Variants in ZNF559 observed in about 807,000 individuals in gnomAD.
The protein encoded by ZNF559 is zinc finger protein 559.
In ZNF559, 17 loss-of-function variants were observed where a neutral mutation model predicts 14.2. That is an observed-to-expected ratio of 1.20 (90% confidence interval 0.82 to 1.80). The LOEUF (loss-of-function observed/expected upper bound fraction) is 1.80, where lower values mean the gene tolerates loss of function less well. ZNF559 is among the 40% of genes most tolerant of loss of function. The pLI is 0.00. For synonymous variants in ZNF559, 244 were observed against 212.4 expected (o/e 1.15, Z -1.29); for missense variants, 740 against 629.7 (o/e 1.18, Z -1.88).
chr19:9,341,429 ATAAT>A lies in ZNF559; in HGVS notation c.243+247_243+250del, dbSNP rs910138229. ...TATGTATCTCAGATGTTTTTGATAA[ATAAT>A]TCACTCTTGGGCCGTTATCAGCTAA... On this transcript the variant is annotated intron_variant, in intron 6 of 6. Coordinates refer to ENST00000603380, the MANE Select transcript of ZNF559 (RefSeq NM_032497.3). 1.3e-5 allele frequency: 10 copies of A among 769,536 alleles called. No homozygotes were observed. In the African/African-American group the frequency reaches 1.5e-4, roughly 12 times the overall value. 47.7% of individuals were successfully genotyped at this position (769,536 alleles called of 1,614,324 possible).
chr19:9,339,934 A>ATTTTTTTTTTTTTTT (rs545536064), intron 5 of ZNF559, among the ~76,000 whole-genome samples: 1 of 86,420 alleles, frequency 1.2e-5, no homozygotes, highest in Non-Finnish European at 2.1e-5. Flanking sequence ...ACGCCTGGCT[A>ATTTTTTTTTTTTTTT]TTTTTTTTTT....
At chr19:9,324,447 C>A (rs1025255247) in intron 1 of ZNF559, 13 of 1,435,368 alleles carry the variant, frequency 9.1e-6, no homozygotes, top group African/African-American at 4.3e-5. Context: ...GGGCCTCGGC[C>A]CGGGAGGAGG....
chr19:9,341,556 C>G, intron 6 of ZNF559, 139 bp from the exon 7 acceptor site: 2 of 1,450,174 alleles, frequency 1.4e-6, no homozygotes, highest in East Asian at 2.4e-5. Context: ...CCATGCCTTG[C>G]AATGAAAATG....
intron 6 of ZNF559, 167 bp from the exon 7 acceptor site, chr19:9,341,528 A>G: frequency 7.9e-7 from 1 of 1,271,326 alleles, no homozygotes; most frequent in Non-Finnish European, 1.1e-6. Context: ...GTTCCACTTG[A>G]AAACACTCAG....
rs971335334 is a variant in ZNF559 at position 9,343,045 on chromosome 19, T to A, written c.1594T>A (p.Ser532Thr). ...KECGQTFSNS[S>T]CLTECV ...ATGTGGGCAAACCTTTAGTAATTCCTCATGCCTTACTGAATGTGTGTGAAT... is the reference window on the plus strand; with the variant it reads ...ATGTGGGCAAACCTTTAGTAATTCCACATGCCTTACTGAATGTGTGTGAAT... Residue 532 changes from serine (S) to threonine (T), a missense_variant, in exon 7 of 7, where the codon TCA becomes ACA. Coordinates refer to ENST00000603380, the MANE Select transcript of ZNF559 (RefSeq NM_032497.3). 6.2e-7 allele frequency: 1 copy of A among 1,612,334 alleles called. No individual in the cohort carries two copies. The highest frequency in any genetic ancestry group is 8.5e-7 in the Non-Finnish European group (1 of 1,179,174).
chr19:9,339,608 G>T (rs2067431230), intron 5 of ZNF559, among the ~76,000 whole-genome samples: 1 of 152,142 alleles, frequency 6.6e-6, no homozygotes, highest in Non-Finnish European at 1.5e-5. Context: ...GGTGAACAGT[G>T]AATGAGAAAA....
intron 2 of ZNF559, among the ~76,000 whole-genome samples, chr19:9,334,189 A>G (rs1455191940): frequency 6.6e-6 from 1 of 152,252 alleles, no homozygotes; most frequent in Non-Finnish European, 1.5e-5. Context: ...GAATACATGA[A>G]TAAACCATGC....
chr19:9,340,866 C>T (rs1416828560), intron 5 of ZNF559, among the ~76,000 whole-genome samples: 1 of 151,876 alleles, frequency 6.6e-6, no homozygotes, highest in Non-Finnish European at 1.5e-5. Context: ...CCACCACACC[C>T]AGCCTAGAGA....
At chr19:9,337,533 G>A (rs2067307051) in intron 2 of ZNF559, among the ~76,000 whole-genome samples, 1 of 152,164 alleles carries the variant, frequency 6.6e-6, no homozygotes, top group Admixed American at 6.5e-5. Flanking sequence ...AAGAACCTCA[G>A]GAGTTTAGGT....
In ZNF559 at chr19:9,343,548, C is replaced by G; in HGVS notation, c.*480C>G. On this transcript the variant is annotated 3_prime_UTR_variant, in exon 7 of 7. Coordinates refer to ENST00000603380, the MANE Select transcript of ZNF559 (RefSeq NM_032497.3). The stretch of plus-strand genomic sequence containing the variant: ...CTGTGATCTCACAAGTGTGAAAAAT[C>G]TTATGAATGTAAAATGTGTGGAGAT... 2.0e-6 allele frequency: 2 copies of G among 992,248 alleles called. No individual in the cohort carries two copies. Among genetic ancestry groups the G allele is most frequent in the South Asian group, 4.5e-5 (1 of 22,256 alleles). 61.5% of individuals were successfully genotyped at this position (992,248 alleles called of 1,614,324 possible). A position where few individuals can be genotyped will look rare whatever the true frequency, so the allele number is the denominator to read the frequency against.
chr19:9,328,010 A>G (rs372156117), intron 2 of ZNF559, among the ~76,000 whole-genome samples: 23 of 152,330 alleles, frequency 1.5e-4, no homozygotes, highest in Middle Eastern at 3.4e-3. Context: ...GTGGACATCT[A>G]TGGCCTTACA....
chr19:9,331,650 G>T (rs527568318), intron 2 of ZNF559, among the ~76,000 whole-genome samples: 1 of 152,266 alleles, frequency 6.6e-6, no homozygotes, highest in African/African-American at 2.4e-5. Context: ...ATGAGGGTAA[G>T]TTGAAAATTG....
intron 2 of ZNF559, among the ~76,000 whole-genome samples, chr19:9,331,865 A>G (rs2145115899): frequency 6.6e-6 from 1 of 152,342 alleles, no homozygotes; most frequent in Non-Finnish European, 1.5e-5. Flanking sequence ...TGAATCTTAA[A>G]ATACAAATAA....
intron 2 of ZNF559, among the ~76,000 whole-genome samples, chr19:9,328,370 T>C (rs997101315): frequency 8.1e-5 from 12 of 148,776 alleles, no homozygotes; most frequent in Non-Finnish European, 1.8e-4. Context: ...TTTTTTTTTT[T>C]TTGAGACGGA....
At chr19:9,335,891 A>G (rs1429112292) in intron 2 of ZNF559, among the ~76,000 whole-genome samples, 1 of 152,230 alleles carries the variant, frequency 6.6e-6, no homozygotes, top group Admixed American at 6.5e-5. Context: ...GATAAACGTA[A>G]TAGTTAAGCA....
chr19:9,324,844 G>A, intron 2 of ZNF559, 64 bp downstream of exon 2: 1 of 1,409,450 alleles, frequency 7.1e-7, no homozygotes, highest in Admixed American at 2.0e-5. Context: ...GTTGTGTCGA[G>A]GTGGAAAGAA....
intron 2 of ZNF559, among the ~76,000 whole-genome samples, chr19:9,328,163 A>G (rs2066731189): frequency 6.6e-6 from 1 of 152,018 alleles, no homozygotes; most frequent in African/African-American, 2.4e-5. Context: ...TGACACTGAT[A>G]TATTATTTGT....
Position 9,338,574 on chromosome 19 carries a change from T to C in ZNF559, c.25T>C (p.Tyr9His). The C allele has an allele frequency of 1.9e-6, 3 of 1,613,278 alleles. No homozygotes were observed. Among genetic ancestry groups the C allele is most frequent in the Non-Finnish European group, 2.5e-6 (3 of 1,179,240 alleles). ...GATGGTGGCTGGGTGGTTGACAAAT[T>C]ACTCTCAGGTAAGTAGGAAATTGCT... MVAGWLTNYSQDSVTFEDV... is the reference protein window; with the variant it reads MVAGWLTNHSQDSVTFEDV... The change falls in exon 4 of 7, where the codon TAC becomes CAC. Residue 9 changes from tyrosine (Y) to histidine (H), a missense_variant. Physicochemically the swap from Tyr to His is moderately conservative, Grantham distance 83 (BLOSUM62 2). Transcript: ENST00000603380.
rs904074002 is a variant in ZNF559 at position 9,328,348 on chromosome 19, C to CTTTTTT, written c.-120+3587_-120+3592dup. ...TTGACATACTATTAGGCTTGTTTGT[C>CTTTTTT]TTTTTTTTTTTTTTTTTTTTTTTTG... On this transcript the variant is annotated intron_variant, in intron 2 of 6. Transcript: ENST00000603380. Among the ~76,000 whole-genome samples, 144 of 60,966 alleles carry CTTTTTT rather than the reference C, an allele frequency of 2.4e-3. 3 individuals are homozygous for CTTTTTT. The highest frequency in any genetic ancestry group is 6.0e-3 in the African/African-American group (85 of 14,180). The allele number at this position is 60,966 out of a possible 152,430, so 40.0% of individuals were successfully genotyped here.
Sources: allele counts gnomAD v4.1 joint callset (sites outside exome capture counted in the v4.1 genomes callset), GRCh38; gene constraint gnomAD v4.1.1; transcripts MANE v1.5; gene names NCBI Gene and HGNC (gene_info 2026-07-23, HGNC 2026-07-21).